Variants in FADS1 observed in about 807,000 individuals in gnomAD.
FADS1 encodes acyl-CoA (8-3)-desaturase.
In FADS1, 17 loss-of-function variants were observed where a neutral mutation model predicts 61.6. That is an observed-to-expected ratio of 0.28 (90% CI 0.19 to 0.41). The LOEUF is 0.41. FADS1 is among the 10% of genes least tolerant of loss of function. The pLI, the probability that FADS1 is intolerant of heterozygous loss-of-function variation, is 1.00. For synonymous variants in FADS1, 238 were observed against 258.7 expected (o/e 0.92, Z 0.77); for missense variants, 387 against 650.9 (o/e 0.59, Z 4.41).
At chr11:61,806,286 G>A (rs2066893584) in intron 6 of FADS1, 1 of 172,520 alleles carries the variant, frequency 5.8e-6, no homozygotes, top group African/African-American at 2.4e-5. Flanking sequence ...AGCTTGCAGT[G>A]AGCCGAGATT....
chr11:61,803,456 G>A lies in FADS1; in HGVS notation c.1155C>T (p.Phe385=). Residue 385 remains phenylalanine (F), a synonymous_variant, in exon 9 of 12, where the codon TTC becomes TTT. Transcript: ENST00000350997. The surrounding 1 kb of genome is among the most constrained non-coding windows in gnomAD (Gnocchi z 4.3). ...CCCACACAAACCAGTTGCTTTCCAG[G>A]AACCTGTTAGATGTATTACACAGAC... ...AFLGLFFIVR[F]LESNWFVWVT... is the part of the protein sequence containing the mutation. 6.2e-7 allele frequency: 1 copy of A among 1,612,956 alleles called. No individual in the cohort carries two copies. Among genetic ancestry groups the A allele is most frequent in the Non-Finnish European group, 8.5e-7 (1 of 1,178,964 alleles).
Position 61,802,025 on chromosome 11 carries a change from C to CA in FADS1, c.*385_*386insT, listed in dbSNP as rs2066858981. 8.8e-6 allele frequency: 2 copies of CA among 227,912 alleles called. No individual in the cohort carries two copies. The highest frequency in any genetic ancestry group is 1.8e-5 in the Non-Finnish European group (2 of 113,308). The allele number at this position is 227,912 out of a possible 1,614,324, so 14.1% of individuals were successfully genotyped here. A position where few individuals can be genotyped will look rare whatever the true frequency, so the allele number is the denominator to read the frequency against. On this transcript the variant is annotated 3_prime_UTR_variant, in exon 12 of 12. Coordinates refer to ENST00000350997, the MANE Select transcript of FADS1 (RefSeq NM_013402.7). The surrounding 1 kb of genome is among the most constrained non-coding windows in gnomAD (Gnocchi z 4.2). The stretch of plus-strand genomic sequence containing the variant: ...CCTCCTGGGTAGCTGGGATTACAGG[C>CA]GCGTGCCACCACGCCCGGCATGAGT...
In FADS1 at chr11:61,812,599, G is replaced by A. The variant is rs967240734; in HGVS notation, c.556C>T (p.His186Tyr). 2.5e-6 allele frequency: 4 copies of A among 1,614,164 alleles called. No individual in the cohort carries two copies. In the Admixed American group the frequency reaches 6.7e-5, roughly 27 times the overall value. The change falls in exon 3 of 12, where the codon CAT becomes TAT. Residue 186 changes from histidine to tyrosine, a missense_variant. Physicochemically the swap from His to Tyr is moderately conservative, Grantham distance 83. Coordinates refer to ENST00000350997, the MANE Select transcript of FADS1 (RefSeq NM_013402.7). ...VERMGLMKAN[H>Y]VFFLLYLLHI... ...AGCAGGTACAGCAGGAAGAAGACAT[G>A]GTTGGCCTTCATGAGCCCCATCCGC...
rs780909794 is a variant in FADS1, at chr11:61,816,423, A to G, written c.375+132T>C. ...CCGCAGGACACCCAATCACCGGGCAACAGGTATGATCAGGCGCCTCCGGGC... is the reference window on the plus strand; with the variant it reads ...CCGCAGGACACCCAATCACCGGGCAGCAGGTATGATCAGGCGCCTCCGGGC... On this transcript the variant is annotated intron_variant, in intron 1 of 11. Coordinates refer to ENST00000350997, the MANE Select transcript of FADS1 (RefSeq NM_013402.7). The surrounding 1 kb of genome is among the most constrained non-coding windows in gnomAD (Gnocchi z 7.0). 8 of 1,598,678 alleles carry G rather than the reference A, an allele frequency of 5.0e-6. No homozygotes were observed. Among genetic ancestry groups the G allele is most frequent in the African/African-American group, 2.7e-5 (2 of 74,922 alleles).
At position 61,802,953 on chromosome 11, in the gene FADS1, G is replaced by C; in HGVS notation, c.1329-27C>G. The C allele has an allele frequency of 2.5e-6, 4 of 1,612,876 alleles. No homozygotes were observed. In the Admixed American group the frequency reaches 6.7e-5, roughly 27 times the overall value. On this transcript the variant is annotated intron_variant, in intron 10 of 11. Transcript: ENST00000350997. The surrounding 1 kb of genome is among the most constrained non-coding windows in gnomAD (Gnocchi z 4.2). ...TTTAGGGAGAACGGGGGAGTCAGTG[G>C]TTCCTGCTTCTCTGCTCCCACCTGT...
Position 61,801,861 on chromosome 11 carries a change from G to C in FADS1, c.*550C>G, listed in dbSNP as rs1165501868. ...ACTGAGAAATGGACCAGTGAGCTGA[G>C]CTCACCTTTTATATGAGTGGATTTT... On this transcript the variant is annotated 3_prime_UTR_variant, in exon 12 of 12. Transcript: ENST00000350997. 3 of 153,758 alleles carry C rather than the reference G, an allele frequency of 2.0e-5. No homozygotes were observed. The highest frequency in any genetic ancestry group is 4.8e-5 in the African/African-American group (2 of 41,390). 9.5% of individuals were successfully genotyped at this position (153,758 alleles called of 1,614,324 possible).
intron 5 of FADS1, 148 bp downstream of exon 5, chr11:61,810,603 C>T (rs2066924729): frequency 1.0e-6 from 1 of 955,334 alleles, no homozygotes; most frequent in Non-Finnish European, 1.6e-6. Context: ...TGCCTGTTGC[C>T]TTCCAGAACT....
intron 4 of FADS1, 37 bp downstream of exon 4, chr11:61,810,937 C>A (rs956184203): frequency 1.2e-6 from 2 of 1,614,124 alleles, no homozygotes; most frequent in Non-Finnish European, 1.7e-6. Flanking sequence ...CCCTTCATTG[C>A]CTGGAGTTTT....
Position 61,812,327 on chromosome 11 carries a change from T to C in FADS1, c.684+144A>G, listed in dbSNP as rs529624060. The C allele has an allele frequency of 8.9e-6, 6 of 671,100 alleles. No homozygotes were observed. The South Asian group carries it at 1.1e-4, about 12-fold the overall frequency. 41.6% of individuals were successfully genotyped at this position (671,100 alleles called of 1,614,324 possible). ...GAGCAGACAGGTCAAGACAGCAGAA[T>C]GCATGTTCCTGCACTCACTCCTGCA... On this transcript the variant is annotated intron_variant, in intron 3 of 11. Coordinates refer to ENST00000350997, the MANE Select transcript of FADS1 (RefSeq NM_013402.7).
At chr11:61,812,288 T>C (rs174555) in intron 3 of FADS1, among the ~76,000 whole-genome samples, 183 bp downstream of exon 3, 39,706 of 152,008 alleles carry the variant, frequency 0.26, 6,886 homozygotes, top group East Asian at 0.54. Flanking sequence ...AATGAAGATG[T>C]CCATGTGGCT....
At chr11:61,809,025 C>T (rs898511660) in intron 5 of FADS1, among the ~76,000 whole-genome samples, 3 of 152,232 alleles carry the variant, frequency 2.0e-5, no homozygotes, top group African/African-American at 4.8e-5. Context: ...CTTCTTACCA[C>T]ACCCTTACCA....
intron 5 of FADS1, 161 bp downstream of exon 5, chr11:61,810,590 T>C (rs2066924603): frequency 1.2e-6 from 1 of 800,974 alleles, no homozygotes; most frequent in Non-Finnish European, 2.0e-6. Flanking sequence ...AGCCCCCATC[T>C]ATTGCCTGTT....
intron 3 of FADS1, among the ~76,000 whole-genome samples, chr11:61,811,495 G>A (rs1217916083): frequency 1.3e-5 from 2 of 151,624 alleles, no homozygotes; most frequent in African/African-American, 4.9e-5. Flanking sequence ...AGTAAGAGTC[G>A]AGGTTTCACC....
rs1328584692 is a variant in FADS1, at chr11:61,801,515, C to CT, written c.*895dup. ...TCTCTACCATCTGTTTTGGTAAGAGCTAGCACCTCTTGTTCTCTTTAGACC... is the reference window on the plus strand; with the variant it reads ...TCTCTACCATCTGTTTTGGTAAGAGCTTAGCACCTCTTGTTCTCTTTAGACC... On this transcript the variant is annotated 3_prime_UTR_variant, in exon 12 of 12. Coordinates refer to ENST00000350997, the MANE Select transcript of FADS1 (RefSeq NM_013402.7). 1 of 152,384 alleles carries CT rather than the reference C, an allele frequency of 6.6e-6. No individual in the cohort carries two copies. The highest frequency in any genetic ancestry group is 1.5e-5 in the Non-Finnish European group (1 of 68,044). The allele number at this position is 152,384 out of a possible 1,614,324, so 9.4% of individuals were successfully genotyped here.
At chr11:61,806,807 T>G in intron 5 of FADS1, 83 bp from the exon 6 acceptor site, 1 of 1,287,200 alleles carries the variant, frequency 7.8e-7, no homozygotes, top group Non-Finnish European at 1.1e-6. Context: ...CTTGGAGGTT[T>G]AGGCCTCCTC....
Position 61,816,392 on chromosome 11 carries a change from C to G in FADS1, c.375+163G>C, listed in dbSNP as rs767814095. Reference sequence around the variant, plus strand: ...CAGGCCTCTCTCCCGCCTTTTCATCCCGCATCCGCAGGACACCCAATCACC... The same window carrying G: ...CAGGCCTCTCTCCCGCCTTTTCATCGCGCATCCGCAGGACACCCAATCACC... On this transcript the variant is annotated intron_variant, in intron 1 of 11. Transcript: ENST00000350997. The surrounding 1 kb of genome is among the most constrained non-coding windows in gnomAD (Gnocchi z 7.0). The G allele has an allele frequency of 1.2e-5, 19 of 1,598,416 alleles. No individual in the cohort carries two copies. Among genetic ancestry groups the G allele is most frequent in the Non-Finnish European group, 1.5e-5 (18 of 1,179,816 alleles).
chr11:61,810,870 C>A lies in FADS1; in HGVS notation c.796G>T (p.Ala266Ser). ...FVIGHLKGAP[A>S]SWWNHMHFQH... ...AAGTGCATGTGGTTCCACCAACTGG[C>A]GGGGGCCCCCTACAGAAAAGCAGGG... Residue 266 changes from alanine to serine, a missense_variant, in exon 5 of 12, where the codon GCC becomes TCC. Physicochemically the swap from Ala to Ser is moderately conservative, Grantham distance 99. Around this residue, in one of 2 missense-constraint regions of FADS1, gnomAD observed 257 missense variants for 533.3 expected, o/e 0.48. Transcript: ENST00000350997. 6.2e-7 allele frequency: 1 copy of A among 1,614,156 alleles called. No individual in the cohort carries two copies. The highest frequency in any genetic ancestry group is 8.5e-7 in the Non-Finnish European group (1 of 1,180,018).
chr11:61,813,416 G>A (rs892845271), intron 1 of FADS1, 63 bp from the exon 2 acceptor site: 8 of 924,120 alleles, frequency 8.7e-6, no homozygotes, highest in Admixed American at 6.2e-5. Context: ...GGCAGTGTTC[G>A]CACCAAAGGC....
intron 5 of FADS1, among the ~76,000 whole-genome samples, chr11:61,809,663 A>G (rs2066918509): frequency 1.3e-5 from 2 of 152,176 alleles, no homozygotes; most frequent in African/African-American, 4.8e-5. Flanking sequence ...CACAAGCCCC[A>G]TGCCACTGCC....
Sources: gnomAD v4.1 joint callset for allele counts (sites outside exome capture counted in the v4.1 genomes callset) on GRCh38, gnomAD v4.1.1 for gene constraint, gnomAD v4.1.1 regional missense constraint, Gnocchi (gnomAD v3.1) non-coding constraint, MANE v1.5 for transcripts, NCBI Gene and HGNC (gene_info 2026-07-23, HGNC 2026-07-21) for gene names.